The following JMJD1C variants were observed in gnomAD, a reference collection of about 807,000 sequenced individuals.
The protein encoded by JMJD1C is jumonji domain-containing protein 1C.
In JMJD1C, 31 loss-of-function variants were observed where a neutral mutation model predicts 245.3. The observed-to-expected ratio is 0.13, with a 90% CI of 0.09 to 0.17. The LOEUF (loss-of-function observed/expected upper bound fraction) is 0.17, where lower values mean the gene tolerates loss of function less well. Ranked by LOEUF, JMJD1C falls within the 10% of genes least tolerant of loss-of-function variation. The pLI, the probability that JMJD1C is intolerant of heterozygous loss-of-function variation, is 1.00. For missense variants in JMJD1C, 2,691 were observed against 3,000.2 expected, an observed-to-expected ratio of 0.90 and a Z score of 2.41; for synonymous variants, 1,057 against 1,017.4, an observed-to-expected ratio of 1.04 and a Z score of -0.74.
Position 63,183,557 on chromosome 10 carries a change from G to A in JMJD1C, c.6974C>T (p.Ala2325Val), listed in dbSNP as rs1410870871. Residue 2325 changes from alanine (A) to valine (V), a missense_variant, in exon 22 of 26, where the codon GCT becomes GTT. Ala to Val is a moderately conservative substitution (Grantham distance 64, BLOSUM62 0). Around this residue, in one of 9 missense-constraint regions of JMJD1C, gnomAD observed 232 missense variants for 416.1 expected, o/e 0.56. Transcript: ENST00000399262. Reference protein sequence around the residue: ...RLCSAYGVVAAKDHDIGTTNL... With the variant: ...RLCSAYGVVAVKDHDIGTTNL... ...TGTTGTTCCTATATCATGATCTTTA[G>A]CAGCAACTACACCTGTATATAAAAC... The A allele has an allele frequency of 7.6e-6, 12 of 1,589,334 alleles. No homozygotes were observed. Among genetic ancestry groups the A allele is most frequent in the Non-Finnish European group, 1.0e-5 (12 of 1,165,512 alleles).
chr10:63,312,047 G>GT (rs938818035), intron 2 of JMJD1C, among the ~76,000 whole-genome samples: 14 of 148,374 alleles, frequency 9.4e-5, no homozygotes, highest in African/African-American at 3.5e-4. Flanking sequence ...ATTCTTCATA[G>GT]TAAGTAATAC....
intron 3 of JMJD1C, among the ~76,000 whole-genome samples, chr10:63,253,249 A>C (rs947083260): frequency 6.6e-6 from 1 of 152,216 alleles, no homozygotes; most frequent in Middle Eastern, 3.2e-3. Flanking sequence ...GCACAGAAAT[A>C]AACTGTTACA....
intron 1 of JMJD1C, among the ~76,000 whole-genome samples, chr10:63,471,100 A>G (rs181702942): frequency 1.3e-5 from 2 of 152,266 alleles, no homozygotes; most frequent in East Asian, 3.9e-4. Context: ...TCCAACTATT[A>G]ACTACCATTA....
chr10:63,385,386 T>A, intron 1 of JMJD1C, among the ~76,000 whole-genome samples: 1 of 148,464 alleles, frequency 6.7e-6, no homozygotes, highest in Non-Finnish European at 1.5e-5. Flanking sequence ...TGCAAAGTTG[T>A]CACAAATCCC....
intron 1 of JMJD1C, among the ~76,000 whole-genome samples, chr10:63,463,183 G>C (rs1164110089): frequency 1.3e-5 from 2 of 151,720 alleles, no homozygotes; most frequent in East Asian, 3.9e-4. Flanking sequence ...TATTTATTTA[G>C]AGACAGGATC....
intron 1 of JMJD1C, among the ~76,000 whole-genome samples, chr10:63,397,433 G>C (rs1948577798): frequency 6.6e-6 from 1 of 152,028 alleles, no homozygotes; most frequent in South Asian, 2.1e-4. Flanking sequence ...GGCTGGTCTT[G>C]AACTCCTGAC....
At chr10:63,265,783 G>C (rs1225467725) in intron 2 of JMJD1C, among the ~76,000 whole-genome samples, 1 of 152,128 alleles carries the variant, frequency 6.6e-6, no homozygotes, top group South Asian at 2.1e-4. Flanking sequence ...AATCTTTCTA[G>C]CTACAGGGTA....
chr10:63,205,955 C>G (rs1846554952), intron 10 of JMJD1C, among the ~76,000 whole-genome samples: 1 of 152,146 alleles, frequency 6.6e-6, no homozygotes, highest in Non-Finnish European at 1.5e-5. Flanking sequence ...TCCCAAAGTG[C>G]TGGGATTACA....
intron 1 of JMJD1C, among the ~76,000 whole-genome samples, chr10:63,445,741 T>C (rs1179745838): frequency 6.6e-6 from 1 of 152,040 alleles, no homozygotes; most frequent in Non-Finnish European, 1.5e-5. Flanking sequence ...TACAAGTAAC[T>C]AGTTAAGTGA....
chr10:63,335,470 T>C (rs1215602148), intron 2 of JMJD1C, among the ~76,000 whole-genome samples: 3 of 152,188 alleles, frequency 2.0e-5, no homozygotes, highest in Admixed American at 1.3e-4. Context: ...CCCTTAAAAG[T>C]TGGCATTTTC....
At position 63,238,189 on chromosome 10, in the gene JMJD1C, A is replaced by G. The variant is rs10995465; in HGVS notation, c.448-18206T>C. 1.0e-3 allele frequency among the ~76,000 whole-genome samples: 141 copies of G among 135,764 alleles called. 2 individuals are homozygous for G. Among genetic ancestry groups the G allele is most frequent in the Non-Finnish European group, 1.7e-3 (112 of 64,360 alleles). 89.1% of individuals were successfully genotyped at this position (135,764 alleles called of 152,430 possible). On this transcript the variant is annotated intron_variant, in intron 3 of 25. Coordinates refer to ENST00000399262, the MANE Select transcript of JMJD1C (RefSeq NM_032776.3). ...GTGTGAGACTCCATCTCAAAAAAAA[A>G]AAAAAAGAAAAAAAGGAAGGAAGCT...
At chr10:63,261,858 A>G (rs942823179) in intron 3 of JMJD1C, among the ~76,000 whole-genome samples, 5 of 152,230 alleles carry the variant, frequency 3.3e-5, no homozygotes, top group African/African-American at 1.2e-4. Flanking sequence ...CAGACTGGGA[A>G]TTCCCACTGA....
At chr10:63,323,258 C>G (rs1941117512) in intron 2 of JMJD1C, among the ~76,000 whole-genome samples, 3 of 152,252 alleles carry the variant, frequency 2.0e-5, no homozygotes, top group East Asian at 3.9e-4. Flanking sequence ...TACAGTGGCT[C>G]ACACTTGTAA....
chr10:63,393,584 C>A (rs1382425748), intron 1 of JMJD1C, among the ~76,000 whole-genome samples: 2 of 152,084 alleles, frequency 1.3e-5, no homozygotes, highest in African/African-American at 2.4e-5. Context: ...GATACCTGCA[C>A]CCCCATTTTA....
intron 1 of JMJD1C, among the ~76,000 whole-genome samples, chr10:63,432,940 G>A (rs1008670663): frequency 1.2e-4 from 19 of 152,072 alleles, no homozygotes; most frequent in African/African-American, 4.6e-4. Flanking sequence ...CCTTACACAG[G>A]AGATCTCAGT....
intron 3 of JMJD1C, among the ~76,000 whole-genome samples, chr10:63,253,446 C>T (rs1409916306): frequency 6.6e-6 from 1 of 151,734 alleles, no homozygotes; most frequent in Non-Finnish European, 1.5e-5. Flanking sequence ...TGCACAGGCA[C>T]GATCTCGGCT....
At chr10:63,382,494 G>T (rs1309144002) in intron 1 of JMJD1C, among the ~76,000 whole-genome samples, 1 of 152,038 alleles carries the variant, frequency 6.6e-6, no homozygotes, top group Non-Finnish European at 1.5e-5. Flanking sequence ...CAAATTCCAT[G>T]GCTTTTCATG....
In JMJD1C at chr10:63,171,376, G is replaced by A. The variant is rs1036263736; in HGVS notation, c.7402-2810C>T. The stretch of plus-strand genomic sequence containing the variant: ...TAGAATAGTTCTTAGCATATAAAGA[G>A]GGCTGTGGCTATGCTGCTTTCCCTC... On this transcript the variant is annotated intron_variant, in intron 24 of 25. Transcript: ENST00000399262. Among the ~76,000 whole-genome samples, 7 of 152,118 alleles carry A rather than the reference G, an allele frequency of 4.6e-5. No homozygotes were observed. In the East Asian group the frequency reaches 5.8e-4, roughly 13 times the overall value.
intron 2 of JMJD1C, among the ~76,000 whole-genome samples, chr10:63,315,619 G>C (rs939612018): frequency 3.3e-5 from 5 of 151,568 alleles, no homozygotes; most frequent in Non-Finnish European, 7.4e-5. Context: ...CAGCGGGCGG[G>C]TCACAAGGTC....
Sources: allele counts gnomAD v4.1 joint callset (sites outside exome capture counted in the v4.1 genomes callset), GRCh38; gene constraint gnomAD v4.1.1; regional missense constraint gnomAD v4.1.1; transcripts MANE v1.5; gene names NCBI Gene and HGNC (gene_info 2026-07-23, HGNC 2026-07-21).